Variants in RHEB observed in about 807,000 individuals in gnomAD.
The protein encoded by RHEB is GTP-binding protein Rheb.
RHEB carries 2 observed loss-of-function variants against 28.8 expected under a neutral mutation model. The observed-to-expected ratio is 0.07, with a 90% CI of 0.03 to 0.22. The LOEUF (loss-of-function observed/expected upper bound fraction) is 0.22, where lower values mean the gene tolerates loss of function less well. Ranked by LOEUF, RHEB falls within the 10% of genes least tolerant of loss-of-function variation. RHEB has a pLI of 1.00. For synonymous variants in RHEB, 69 were observed against 77.3 expected, an observed-to-expected ratio of 0.89 and a Z score of 0.56; for missense variants, 76 against 219.9, an observed-to-expected ratio of 0.35 and a Z score of 4.14.
intron 4 of RHEB, among the ~76,000 whole-genome samples, chr7:151,474,154 T>C (rs1485306069): frequency 2.0e-5 from 3 of 149,928 alleles, no homozygotes; most frequent in Non-Finnish European, 4.4e-5. Context: ...ACCTTTCCGA[T>C]TTTTTTTCCC....
At chr7:151,488,356 ACT>A (rs1372985702) in intron 2 of RHEB, among the ~76,000 whole-genome samples, 1 of 152,100 alleles carries the variant, frequency 6.6e-6, no homozygotes, top group Non-Finnish European at 1.5e-5. Context: ...ATGTGTCACC[ACT>A]GAGTGTTTGC....
chr7:151,489,396 A>G (rs1319046610), intron 2 of RHEB, among the ~76,000 whole-genome samples: 1 of 152,210 alleles, frequency 6.6e-6, no homozygotes, highest in Non-Finnish European at 1.5e-5. Flanking sequence ...AAATCATAGG[A>G]TGTAATCAGG....
chr7:151,483,021 A>C (rs1382993894), intron 3 of RHEB, among the ~76,000 whole-genome samples: 2 of 152,156 alleles, frequency 1.3e-5, no homozygotes, highest in East Asian at 3.8e-4. Context: ...GCTCTGCTCT[A>C]ATGAAAGCAT....
In RHEB at chr7:151,466,243, C is replaced by A. The variant is rs1802058268; in HGVS notation, c.*876G>T. On this transcript the variant is annotated 3_prime_UTR_variant, in exon 8 of 8. Transcript: ENST00000262187. ...CCGTCATCTGGGTCTGAAGGAGGCT[C>A]CCAAGACTCTGACACAGAACACTAA... The A allele has an allele frequency of 6.6e-6, 1 of 152,196 alleles. No homozygotes were observed. The highest frequency in any genetic ancestry group is 1.5e-5 in the Non-Finnish European group (1 of 68,048). The allele number at this position is 152,196 out of a possible 1,614,324, so 9.4% of individuals were successfully genotyped here.
chr7:151,505,575 T>C (rs1802857778), intron 1 of RHEB, among the ~76,000 whole-genome samples: 1 of 152,202 alleles, frequency 6.6e-6, no homozygotes, highest in Non-Finnish European at 1.5e-5. Flanking sequence ...GGTCAAAATG[T>C]TTTGGAAAAA....
chr7:151,479,743 T>C (rs1204416330), intron 3 of RHEB, among the ~76,000 whole-genome samples: 1 of 151,048 alleles, frequency 6.6e-6, no homozygotes, highest in African/African-American at 2.4e-5. Context: ...TCTTCATGGC[T>C]GCAAACCCCT....
intron 3 of RHEB, among the ~76,000 whole-genome samples, chr7:151,477,998 G>A (rs957925413): frequency 6.6e-6 from 1 of 152,024 alleles, no homozygotes; most frequent in South Asian, 2.1e-4. Flanking sequence ...TTCAATTGAG[G>A]TATTCAGACT....
intron 1 of RHEB, among the ~76,000 whole-genome samples, chr7:151,496,056 G>C (rs1012736864): frequency 2.0e-5 from 3 of 152,186 alleles, no homozygotes; most frequent in Non-Finnish European, 4.4e-5. Context: ...AAGGCATTCT[G>C]CAGAAGGGGG....
chr7:151,514,932 G>C (rs1157970532), intron 1 of RHEB, among the ~76,000 whole-genome samples: 1 of 151,998 alleles, frequency 6.6e-6, no homozygotes, highest in Non-Finnish European at 1.5e-5. Context: ...CTAGCTACTC[G>C]GGAAGCTGAG....
intron 2 of RHEB, among the ~76,000 whole-genome samples, chr7:151,485,589 C>G (rs1191053260): frequency 3.3e-5 from 5 of 152,198 alleles, no homozygotes; most frequent in Admixed American, 2.0e-4. Flanking sequence ...CCTCCAATCT[C>G]CTGATTGGCC....
chr7:151,487,296 T>G (rs1418026110), intron 2 of RHEB, among the ~76,000 whole-genome samples: 3 of 152,154 alleles, frequency 2.0e-5, no homozygotes, highest in African/African-American at 7.2e-5. Context: ...GTGAAAGACC[T>G]TGTCATGTAG....
At chr7:151,484,604 A>G (rs1310565201) in intron 3 of RHEB, 133 bp downstream of exon 3, 11 of 641,358 alleles carry the variant, frequency 1.7e-5, no homozygotes, top group Non-Finnish European at 2.8e-5. Flanking sequence ...AAGCCAAACC[A>G]TTGGGAGTCA....
intron 1 of RHEB, chr7:151,502,443 A>C: frequency 1.2e-6 from 1 of 821,026 alleles, no homozygotes; most frequent in Non-Finnish European, 2.2e-6. Flanking sequence ...CTTTATAACA[A>C]AGTACCTCCA....
chr7:151,466,949 T>C lies in RHEB; in HGVS notation c.*170A>G. Reference sequence around the variant, plus strand: ...AAATTTGAAAATGGAAGTGAACTCATTTGGACAGACTCAGAGTTAACATAA... The same window carrying C: ...AAATTTGAAAATGGAAGTGAACTCACTTGGACAGACTCAGAGTTAACATAA... On this transcript the variant is annotated 3_prime_UTR_variant, in exon 8 of 8. Transcript: ENST00000262187. The C allele has an allele frequency of 3.6e-6, 2 of 555,270 alleles. No individual in the cohort carries two copies. Among genetic ancestry groups the C allele is most frequent in the South Asian group, 5.4e-5 (2 of 37,190 alleles). 34.4% of individuals were successfully genotyped at this position (555,270 alleles called of 1,614,324 possible).
intron 1 of RHEB, chr7:151,502,725 T>C: frequency 6.3e-7 from 1 of 1,596,042 alleles, no homozygotes. Flanking sequence ...AGAAACACAG[T>C]AGAGGCGTTT....
At chr7:151,491,037 AGT>A in intron 1 of RHEB, 23 bp from the exon 2 acceptor site, 1 of 1,585,042 alleles carries the variant, frequency 6.3e-7, no homozygotes, top group Non-Finnish European at 8.6e-7. Flanking sequence ...ACAAGAGCTT[AGT>A]GTGTGTTGGC....
chr7:151,500,710 G>A (rs1015716506), intron 1 of RHEB, among the ~76,000 whole-genome samples: 1 of 152,138 alleles, frequency 6.6e-6, no homozygotes, highest in Non-Finnish European at 1.5e-5. Flanking sequence ...ACAGAAGAGA[G>A]AGAAGCTTGG....
chr7:151,502,594 G>C, intron 1 of RHEB: 1 of 1,360,130 alleles, frequency 7.4e-7, no homozygotes, highest in South Asian at 1.2e-5. Flanking sequence ...GGCTCTTACA[G>C]CACTACTTTC....
At chr7:151,490,030 T>A (rs1382135063) in intron 2 of RHEB, among the ~76,000 whole-genome samples, 1 of 152,208 alleles carries the variant, frequency 6.6e-6, no homozygotes, top group African/African-American at 2.4e-5. Flanking sequence ...AAATCCTAGA[T>A]AAGTCCTGGT....
Sources: gnomAD v4.1 joint callset for allele counts (sites outside exome capture counted in the v4.1 genomes callset) on GRCh38, gnomAD v4.1.1 for gene constraint, MANE v1.5 for transcripts, NCBI Gene and HGNC (gene_info 2026-07-23, HGNC 2026-07-21) for gene names.